The following NEK1 variants were observed in gnomAD, a reference collection of about 807,000 sequenced individuals.
The protein encoded by NEK1 is serine/threonine-protein kinase Nek1.
NEK1 carries 137 observed loss-of-function variants against 182.1 expected under a neutral mutation model. The ratio of observed to expected loss-of-function variants is 0.75; its 90% CI spans 0.65 to 0.87. The LOEUF (loss-of-function observed/expected upper bound fraction) is 0.87. Ranked by LOEUF, NEK1 falls within the 40% of genes least tolerant of loss-of-function variation. The pLI is 0.00. For missense variants in NEK1, 1,391 were observed against 1,494.4 expected (o/e 0.93, Z 1.14); for synonymous variants, 513 against 492.2 (o/e 1.04, Z -0.56).
At chr4:169,495,752 A>T (rs1751122986) in intron 23 of NEK1, among the ~76,000 whole-genome samples, 1 of 152,058 alleles carries the variant, frequency 6.6e-6, no homozygotes, top group Non-Finnish European at 1.5e-5. Context: ...GTTCTGTTCC[A>T]TTGGTCTATA....
intron 18 of NEK1, among the ~76,000 whole-genome samples, chr4:169,546,137 C>G (rs1457081984): frequency 6.6e-6 from 1 of 152,144 alleles, no homozygotes; most frequent in Non-Finnish European, 1.5e-5. Context: ...ATAAATTTCC[C>G]TCTACACACT....
intron 19 of NEK1, among the ~76,000 whole-genome samples, chr4:169,526,637 A>G (rs1756942323): frequency 6.6e-6 from 1 of 152,252 alleles, no homozygotes; most frequent in Non-Finnish European, 1.5e-5. Context: ...AAAGCAGTTA[A>G]TAAATATACT....
chr4:169,539,951 CAAA>C, intron 18 of NEK1, among the ~76,000 whole-genome samples: 1 of 152,224 alleles, frequency 6.6e-6, no homozygotes, highest in African/African-American at 2.4e-5. Context: ...AGCGGTTGCA[CAAA>C]ATTGTTTACT....
intron 23 of NEK1, among the ~76,000 whole-genome samples, chr4:169,491,546 C>T (rs1192416487): frequency 6.6e-6 from 1 of 152,112 alleles, no homozygotes; most frequent in Non-Finnish European, 1.5e-5. Flanking sequence ...GAAGTAAAGT[C>T]TTTCCCAGAT....
At chr4:169,572,142 G>T (rs889193146) in intron 12 of NEK1, among the ~76,000 whole-genome samples, 2 of 152,086 alleles carry the variant, frequency 1.3e-5, no homozygotes, top group African/African-American at 4.8e-5. Context: ...CATTTGGGCT[G>T]CTCACATGAG....
rs528924407 is a variant in NEK1, at chr4:169,452,926, C to A, written c.2587+10317G>T. The stretch of plus-strand genomic sequence containing the variant: ...ATATTTAAAACCCTATCGTCTCAGC[C>A]CCAAATTTCCTTAAGCTGATAAGCA... On this transcript the variant is annotated intron_variant, in intron 27 of 35. Transcript: ENST00000507142. Among the ~76,000 whole-genome samples the A allele has an allele frequency of 1.3e-3, 192 of 152,290 alleles. 1 individual carries two copies. Among genetic ancestry groups the A allele is most frequent in the African/African-American group, 4.5e-3 (185 of 41,550 alleles).
rs1131690777 is a variant in NEK1, at chr4:169,477,190, C to T, written c.2368G>A (p.Ala790Thr). The change falls in exon 26 of 36, where the codon GCA (alanine) becomes ACA (threonine). Residue 790 changes from alanine (A) to threonine (T), a missense_variant. By Grantham distance (58) the Ala-to-Thr change is moderately conservative. This residue lies in a region of NEK1 where 1,216 missense variants were observed against 1,277.6 expected (regional missense o/e 0.95). Transcript: ENST00000507142. Reference protein sequence around the residue: ...SVSSDRKKWEAGGQLVIPLDE... With the variant: ...SVSSDRKKWETGGQLVIPLDE... The stretch of plus-strand genomic sequence containing the variant: ...AGAGGAATCACAAGTTGACCTCCTG[C>T]CTCCCACTTCTTGCGATCAGATGAA... 6.2e-7 allele frequency: 1 copy of T among 1,608,728 alleles called. No homozygotes were observed. Among genetic ancestry groups the T allele is most frequent in the Non-Finnish European group, 8.5e-7 (1 of 1,177,284 alleles).
chr4:169,409,388 C>T (rs1034650141), intron 31 of NEK1, among the ~76,000 whole-genome samples: 31 of 152,154 alleles, frequency 2.0e-4, no homozygotes, highest in Non-Finnish European at 3.2e-4. Flanking sequence ...TCATGATCTG[C>T]CCGTCTTGGC....
At chr4:169,485,516 T>C (rs1219693446) in intron 23 of NEK1, among the ~76,000 whole-genome samples, 1 of 152,218 alleles carries the variant, frequency 6.6e-6, no homozygotes, top group Admixed American at 6.5e-5. Context: ...GATAATGTAC[T>C]TCTAATTATT....
intron 19 of NEK1, among the ~76,000 whole-genome samples, chr4:169,533,088 C>T (rs528309587): frequency 1.3e-5 from 2 of 152,304 alleles, no homozygotes; most frequent in East Asian, 3.9e-4. Flanking sequence ...TCCAAGGTTT[C>T]TGTTATCTCC....
intron 16 of NEK1, among the ~76,000 whole-genome samples, chr4:169,561,171 A>G (rs1294943590): frequency 6.6e-6 from 1 of 152,194 alleles, no homozygotes. Flanking sequence ...GAAATTACAG[A>G]ACGATTTTAG....
chr4:169,410,477 G>A (rs549378666), intron 31 of NEK1, among the ~76,000 whole-genome samples: 6 of 152,130 alleles, frequency 3.9e-5, no homozygotes, highest in Non-Finnish European at 7.4e-5. Flanking sequence ...TCAGGAAGTA[G>A]TAGTATTCTA....
chr4:169,479,804 G>A (rs938980482), intron 23 of NEK1, among the ~76,000 whole-genome samples: 3 of 152,078 alleles, frequency 2.0e-5, no homozygotes, highest in African/African-American at 2.4e-5. Flanking sequence ...TTCATGAAAT[G>A]ATCCTGAAAA....
At chr4:169,479,170 A>T (rs1018861314) in intron 24 of NEK1, among the ~76,000 whole-genome samples, 1 of 152,066 alleles carries the variant, frequency 6.6e-6, no homozygotes, top group African/African-American at 2.4e-5. Flanking sequence ...ATATTCTTTT[A>T]AAGTAATATA....
chr4:169,599,688 G>A (rs1408644944), intron 4 of NEK1, among the ~76,000 whole-genome samples: 7 of 152,114 alleles, frequency 4.6e-5, no homozygotes, highest in Non-Finnish European at 8.8e-5. Context: ...GGATTCAACA[G>A]TGTATAGGAT....
chr4:169,396,551 C>G (rs949150824), intron 35 of NEK1, among the ~76,000 whole-genome samples: 2 of 151,882 alleles, frequency 1.3e-5, no homozygotes, highest in African/African-American at 2.4e-5. Context: ...TTTATTAGCT[C>G]TATTTGACTT....
Position 169,537,875 on chromosome 4 carries a change from T to C in NEK1, c.1599A>G (p.Gln533=). The C allele has an allele frequency of 1.2e-6, 2 of 1,610,906 alleles. No homozygotes were observed. Among genetic ancestry groups the C allele is most frequent in the South Asian group, 1.1e-5 (1 of 90,454 alleles). ...KGQLAVERAK[Q]VEEFLQRKRE... ...GTTTTCGCTGCAGGAACTCTTCTAC[T>C]TGTTTAGCTCTTTCTACAGCTAGCT... Residue 533 remains glutamine, a synonymous_variant, in exon 19 of 36, where the codon CAA becomes CAG. Coordinates refer to ENST00000507142, the MANE Select transcript of NEK1 (RefSeq NM_001199397.3).
At chr4:169,443,667 G>C (rs538422680) in intron 27 of NEK1, among the ~76,000 whole-genome samples, 3 of 151,868 alleles carry the variant, frequency 2.0e-5, no homozygotes, top group Admixed American at 6.6e-5. Flanking sequence ...TAGACATTCA[G>C]ATACAGGAAA....
At chr4:169,496,512 C>A (rs1389367473) in intron 23 of NEK1, among the ~76,000 whole-genome samples, 1 of 150,250 alleles carries the variant, frequency 6.7e-6, no homozygotes, top group Non-Finnish European at 1.5e-5. Flanking sequence ...CCAGTTTTTG[C>A]CCATTCAGTG....
Sources: allele counts gnomAD v4.1 joint callset (sites outside exome capture counted in the v4.1 genomes callset), GRCh38; gene constraint gnomAD v4.1.1; regional missense constraint gnomAD v4.1.1; transcripts MANE v1.5; gene names NCBI Gene and HGNC (gene_info 2026-07-23, HGNC 2026-07-21).